Variants in PABPC4L observed in about 807,000 individuals in gnomAD.
PABPC4L encodes polyadenylate-binding protein 4-like.
For synonymous variants in PABPC4L, 169 were observed against 164.1 expected (o/e 1.03, Z -0.23); for missense variants, 452 against 451.4 (o/e 1.00, Z -0.01).
At chr4:134,061,637 AG>A in the PABPC4L span, among the ~76,000 whole-genome samples, 5 of 100,874 alleles carry the variant, frequency 5.0e-5, no homozygotes, top group East Asian at 4.1e-4. Context: ...AGAGAGAGAG[AG>A]AGAGAGAGAG....
At chr4:134,114,047 G>A in the PABPC4L span, among the ~76,000 whole-genome samples, 192 of 151,790 alleles carry the variant, frequency 1.3e-3, no homozygotes, top group African/African-American at 4.4e-3. Flanking sequence ...ACAGGCAATG[G>A]GCAAGAAGCA....
At chr4:134,041,747 T>C in the PABPC4L span, among the ~76,000 whole-genome samples, 1 of 152,062 alleles carries the variant, frequency 6.6e-6, no homozygotes, top group African/African-American at 2.4e-5. Flanking sequence ...CCAGTCAGAA[T>C]GTTCATTACT....
chr4:134,125,673 T>A, the PABPC4L span, among the ~76,000 whole-genome samples: 1 of 152,290 alleles, frequency 6.6e-6, no homozygotes, highest in African/African-American at 2.4e-5. Flanking sequence ...AATGTTATTT[T>A]AAAATGTGAA....
chr4:134,127,922 G>A, the PABPC4L span, among the ~76,000 whole-genome samples: 1 of 151,904 alleles, frequency 6.6e-6, no homozygotes, highest in Non-Finnish European at 1.5e-5. Context: ...TACAGGATAT[G>A]AATGAAAAAA....
At chr4:134,072,528 C>T in the PABPC4L span, among the ~76,000 whole-genome samples, 595 of 152,202 alleles carry the variant, frequency 3.9e-3, 3 homozygotes, top group Admixed American at 7.5e-3. Context: ...TAACAACCTG[C>T]AAGTAGGGAA....
chr4:134,031,816 A>G, the PABPC4L span, among the ~76,000 whole-genome samples: 1 of 151,916 alleles, frequency 6.6e-6, no homozygotes, highest in Non-Finnish European at 1.5e-5. Context: ...AAGATCCTTA[A>G]TAAATATTTG....
At chr4:134,126,195 T>A in the PABPC4L span, among the ~76,000 whole-genome samples, 1 of 152,142 alleles carries the variant, frequency 6.6e-6, no homozygotes, top group Non-Finnish European at 1.5e-5. Context: ...ATTTGCCTAC[T>A]TACAAACATC....
At chr4:134,119,182 AGAG>A in the PABPC4L span, among the ~76,000 whole-genome samples, 1 of 151,682 alleles carries the variant, frequency 6.6e-6, no homozygotes, top group African/African-American at 2.4e-5. Flanking sequence ...TCTTAAAGCA[AGAG>A]GAGAACCATG....
chr4:134,073,582 C>A, the PABPC4L span, among the ~76,000 whole-genome samples: 2 of 152,180 alleles, frequency 1.3e-5, no homozygotes, highest in African/African-American at 4.8e-5. Context: ...CTAGGCAGTG[C>A]CCCAGTGGGG....
chr4:134,183,664 T>C, the PABPC4L span, among the ~76,000 whole-genome samples: 3 of 151,904 alleles, frequency 2.0e-5, no homozygotes, highest in South Asian at 4.1e-4. Context: ...TGTGTTTCCA[T>C]ATATTTGTTA....
chr4:134,189,396 G>A, the PABPC4L span, among the ~76,000 whole-genome samples: 158 of 151,554 alleles, frequency 1.0e-3, 1 homozygote, highest in African/African-American at 3.7e-3. Context: ...ACAGGCAGAT[G>A]TGTGTACACA....
the PABPC4L span, among the ~76,000 whole-genome samples, chr4:133,984,770 AT>A: frequency 6.6e-6 from 1 of 151,890 alleles, no homozygotes; most frequent in Non-Finnish European, 1.5e-5. Context: ...CCCCATAGAG[AT>A]TTAAAAGTGT....
At chr4:133,949,789 G>A in the PABPC4L span, among the ~76,000 whole-genome samples, 1 of 152,246 alleles carries the variant, frequency 6.6e-6, no homozygotes, top group South Asian at 2.1e-4. Flanking sequence ...GTTTGAGTCA[G>A]AAGTCCTTTT....
the PABPC4L span, among the ~76,000 whole-genome samples, chr4:134,112,281 C>A: frequency 6.6e-6 from 1 of 151,930 alleles, no homozygotes; most frequent in African/African-American, 2.4e-5. Context: ...ACTCTGATTT[C>A]TGGAAAATAC....
the PABPC4L span, among the ~76,000 whole-genome samples, chr4:133,969,896 A>G: frequency 6.6e-6 from 1 of 151,998 alleles, no homozygotes; most frequent in African/African-American, 2.4e-5. Context: ...TTCTGAATAA[A>G]ACAGTTCCTA....
the PABPC4L span, among the ~76,000 whole-genome samples, chr4:133,974,874 T>A: frequency 6.6e-6 from 1 of 152,096 alleles, no homozygotes; most frequent in Non-Finnish European, 1.5e-5. Flanking sequence ...GTGGAGCAAC[T>A]GGAACTCTCA....
At chr4:134,143,977 T>A in the PABPC4L span, among the ~76,000 whole-genome samples, 1 of 151,568 alleles carries the variant, frequency 6.6e-6, no homozygotes, top group Non-Finnish European at 1.5e-5. Context: ...GCAAAATAGA[T>A]CTTCTGATGA....
the PABPC4L span, among the ~76,000 whole-genome samples, chr4:133,989,745 C>T: frequency 6.6e-6 from 1 of 152,080 alleles, no homozygotes; most frequent in Non-Finnish European, 1.5e-5. Flanking sequence ...CAGTACCCCA[C>T]TCATGATACC....
the PABPC4L span, among the ~76,000 whole-genome samples, chr4:133,995,663 C>T: frequency 6.6e-6 from 1 of 152,138 alleles, no homozygotes; most frequent in Non-Finnish European, 1.5e-5. Context: ...CACAAAGACA[C>T]TTGTGCATAG....
Sources: allele counts gnomAD v4.1 joint callset (sites outside exome capture counted in the v4.1 genomes callset), GRCh38; gene constraint gnomAD v4.1.1; transcripts MANE v1.5; gene names NCBI Gene and HGNC (gene_info 2026-07-23, HGNC 2026-07-21).